Variants in ASTN2 observed in about 807,000 individuals in gnomAD.
ASTN2 encodes astrotactin-2.
Under a neutral mutation model 139.8 loss-of-function variants are expected in ASTN2, and 54 were observed. That is an observed-to-expected ratio of 0.39 (90% CI 0.31 to 0.48). The LOEUF (loss-of-function observed/expected upper bound fraction) is 0.48. ASTN2 is among the 20% of genes least tolerant of loss of function. The pLI is 0.95. For synonymous variants in ASTN2, 756 were observed against 719.5 expected, an observed-to-expected ratio of 1.05 and a Z score of -0.81; for missense variants, 1,565 against 1,725.1, an observed-to-expected ratio of 0.91 and a Z score of 1.64.
intron 11 of ASTN2, among the ~76,000 whole-genome samples, chr9:116,852,995 G>T (rs772894877): frequency 6.6e-6 from 1 of 151,948 alleles, no homozygotes; most frequent in African/African-American, 2.4e-5. Flanking sequence ...AGCAGAATGT[G>T]TAGTTCTGAC....
intron 13 of ASTN2, among the ~76,000 whole-genome samples, chr9:116,743,684 G>A (rs1193145872): frequency 6.6e-6 from 1 of 152,122 alleles, no homozygotes; most frequent in African/African-American, 2.4e-5. Context: ...TGTATTTTTA[G>A]TAGAGACGGG....
rs1054500858 is a variant in ASTN2, at chr9:116,455,409, T to C, written c.3498-12856A>G. 3.3e-5 allele frequency among the ~76,000 whole-genome samples: 5 copies of C among 151,698 alleles called. No individual in the cohort carries two copies. In the South Asian group the frequency reaches 6.3e-4, roughly 19 times the overall value. ...GTTTACGGTAGGAAGTAATAGTTAA[T>C]TGCTAATTTTTAAAACCCATGTGAC... is the stretch of plus-strand genomic sequence containing the variant. On this transcript the variant is annotated intron_variant, in intron 20 of 22. Coordinates refer to ENST00000313400, the MANE Select transcript of ASTN2 (RefSeq NM_001365068.1).
At position 116,533,983 on chromosome 9, in the gene ASTN2, T is replaced by A. The variant is rs181638945; in HGVS notation, c.3356-46483A>T. Reference sequence around the variant, plus strand: ...CTGGTAGAATTTGGCTGTGAATCCATCTGGTCCTGGAATTTTTTTGGTTGG... The same window carrying A: ...CTGGTAGAATTTGGCTGTGAATCCAACTGGTCCTGGAATTTTTTTGGTTGG... On this transcript the variant is annotated intron_variant, in intron 19 of 22. Transcript: ENST00000313400. Among the ~76,000 whole-genome samples the A allele has an allele frequency of 9.7e-3, 1,480 of 152,292 alleles. 13 individuals are homozygous for A. Among genetic ancestry groups the A allele is most frequent in the Non-Finnish European group, 0.015 (1,041 of 68,016 alleles).
chr9:116,616,320 A>G (rs1337899401), intron 19 of ASTN2, among the ~76,000 whole-genome samples: 1 of 152,220 alleles, frequency 6.6e-6, no homozygotes, highest in Non-Finnish European at 1.5e-5. Context: ...GGAATGGAGT[A>G]TGCCAAATAA....
chr9:117,134,287 TATATATATACACACACACAC>T (rs1475890076), intron 4 of ASTN2, among the ~76,000 whole-genome samples: 8 of 82,034 alleles, frequency 9.8e-5, no homozygotes, highest in Non-Finnish European at 2.0e-4. Context: ...TATATATATA[TATATATATACACACACACAC>T]ACACACACAC....
At chr9:117,235,648 C>T (rs1833023931) in intron 2 of ASTN2, among the ~76,000 whole-genome samples, 1 of 152,214 alleles carries the variant, frequency 6.6e-6, no homozygotes, top group Admixed American at 6.5e-5. Context: ...TTGAGCAGCT[C>T]TGTATCACAT....
At chr9:116,984,582 A>G (rs1836622927) in intron 7 of ASTN2, among the ~76,000 whole-genome samples, 2 of 152,202 alleles carry the variant, frequency 1.3e-5, no homozygotes, top group South Asian at 4.2e-4. Flanking sequence ...ATCCCACTCA[A>G]GCAAAGCCTG....
At chr9:116,707,828 C>A (rs1304051304) in intron 16 of ASTN2, among the ~76,000 whole-genome samples, 2 of 152,108 alleles carry the variant, frequency 1.3e-5, no homozygotes, top group Non-Finnish European at 2.9e-5. Context: ...TAAATTTAAA[C>A]AAAGTACCCC....
In ASTN2 at chr9:117,029,677, G is replaced by GA. The variant is rs546988294; in HGVS notation, c.1423+10141dup. Among the ~76,000 whole-genome samples the GA allele has an allele frequency of 1.6e-3, 234 of 149,454 alleles. 4 individuals are homozygous for GA. The South Asian group carries it at 0.027, about 17-fold the overall frequency. On this transcript the variant is annotated intron_variant, in intron 6 of 22. Transcript: ENST00000313400. ...TGCAAACGTTTGTTGACCATGGGAGGAAAAAAAAATGAAGGAGAAAAGGAA... is the reference window on the plus strand; with the variant it reads ...TGCAAACGTTTGTTGACCATGGGAGGAAAAAAAAAATGAAGGAGAAAAGGAA...
At chr9:116,759,454 C>G (rs1258052117) in intron 13 of ASTN2, among the ~76,000 whole-genome samples, 1 of 152,148 alleles carries the variant, frequency 6.6e-6, no homozygotes, top group Admixed American at 6.5e-5. Context: ...TCCTAAGGAG[C>G]AATAACAATA....
intron 16 of ASTN2, 125 bp downstream of exon 16, chr9:116,725,646 C>T: frequency 1.1e-6 from 1 of 937,078 alleles, no homozygotes. Context: ...GGGACTTGCC[C>T]ATGGTCACAC....
chr9:116,990,391 C>T (rs930363293), intron 7 of ASTN2, among the ~76,000 whole-genome samples: 3 of 139,122 alleles, frequency 2.2e-5, no homozygotes, highest in East Asian at 2.2e-4. Flanking sequence ...CTCCGCCTCC[C>T]GAGTAGCTGG....
intron 3 of ASTN2, among the ~76,000 whole-genome samples, chr9:117,213,051 G>A (rs2072713190): frequency 6.6e-6 from 1 of 152,192 alleles, no homozygotes; most frequent in East Asian, 1.9e-4. Context: ...AACAACAGAT[G>A]ACTAGATAAA....
At chr9:116,983,863 G>C (rs536235090) in intron 7 of ASTN2, among the ~76,000 whole-genome samples, 26 of 152,248 alleles carry the variant, frequency 1.7e-4, no homozygotes, top group African/African-American at 6.3e-4. Context: ...GAATAGATCT[G>C]GATTCATCCT....
At chr9:116,844,411 G>A (rs1387583915) in intron 11 of ASTN2, among the ~76,000 whole-genome samples, 1 of 152,180 alleles carries the variant, frequency 6.6e-6, no homozygotes, top group Non-Finnish European at 1.5e-5. Flanking sequence ...TCCAGCACGT[G>A]GGAGGGAGAC....
At chr9:116,709,534 T>A (rs1040921216) in intron 16 of ASTN2, among the ~76,000 whole-genome samples, 4 of 152,188 alleles carry the variant, frequency 2.6e-5, no homozygotes, top group African/African-American at 9.7e-5. Flanking sequence ...TCTGCACAGT[T>A]CTATAGACTG....
chr9:116,525,289 T>C (rs1851042986), intron 19 of ASTN2, among the ~76,000 whole-genome samples: 1 of 152,214 alleles, frequency 6.6e-6, no homozygotes, highest in South Asian at 2.1e-4. Flanking sequence ...AGTAAAGGAT[T>C]CAAGAGGTGA....
At chr9:116,511,670 T>C (rs1179620346) in intron 19 of ASTN2, among the ~76,000 whole-genome samples, 1 of 152,196 alleles carries the variant, frequency 6.6e-6, no homozygotes, top group Non-Finnish European at 1.5e-5. Flanking sequence ...AATTATTGCC[T>C]GAATTTCAGA....
At chr9:116,658,440 T>G (rs868149347) in intron 16 of ASTN2, among the ~76,000 whole-genome samples, 20 of 152,172 alleles carry the variant, frequency 1.3e-4, no homozygotes, top group Non-Finnish European at 1.8e-4. Flanking sequence ...GGAACTGTTT[T>G]AAGCCCTACC....
Sources: gnomAD v4.1 joint callset for allele counts (sites outside exome capture counted in the v4.1 genomes callset) on GRCh38, gnomAD v4.1.1 for gene constraint, MANE v1.5 for transcripts, NCBI Gene and HGNC (gene_info 2026-07-23, HGNC 2026-07-21) for gene names.